GPRIN3: variants seen among roughly 807,000 people sequenced by gnomAD.
The protein encoded by GPRIN3 is GPRIN family member 3, also known as G protein-regulated inducer of neurite outgrowth 3.
A neutral mutation model predicts 13.7 loss-of-function variants in GPRIN3; 12 were observed. That is an observed-to-expected ratio of 0.87 (90% confidence interval 0.56 to 1.42). The LOEUF is 1.42. GPRIN3 is among the 40% of genes most tolerant of loss of function. The pLI, the probability that GPRIN3 is intolerant of heterozygous loss-of-function variation, is 0.00. For synonymous variants in GPRIN3, 377 were observed against 372.7 expected (o/e 1.01, Z -0.13); for missense variants, 1,009 against 958.7 (o/e 1.05, Z -0.69).
At chr4:89,290,077 C>G (rs962020990) in intron 1 of GPRIN3, among the ~76,000 whole-genome samples, 3 of 151,312 alleles carry the variant, frequency 2.0e-5, no homozygotes, top group Non-Finnish European at 4.4e-5. Flanking sequence ...ACATTAGACT[C>G]CAGCCTGGGC....
chr4:89,258,803 GTTTC>G (rs1723551259), intron 1 of GPRIN3, among the ~76,000 whole-genome samples: 1 of 152,180 alleles, frequency 6.6e-6, no homozygotes, highest in Non-Finnish European at 1.5e-5. Flanking sequence ...CGTCGGGGTA[GTTTC>G]TGAGCCCTGT....
Position 89,281,064 on chromosome 4 carries a change from G to T in GPRIN3, c.-124+26551C>A, listed in dbSNP as rs182627731. On this transcript the variant is annotated intron_variant, in intron 1 of 1. Transcript: ENST00000609438. Reference sequence around the variant, plus strand: ...AGTCATGTTGGAAGGTGAAGGGGGGGGATAAGCACATCACATAGCCAGAGT... The same window carrying T: ...AGTCATGTTGGAAGGTGAAGGGGGGTGATAAGCACATCACATAGCCAGAGT... Among the ~76,000 whole-genome samples the T allele has an allele frequency of 7.3e-5, 11 of 150,270 alleles. No homozygotes were observed. The East Asian group carries it at 7.7e-4, about 11-fold the overall frequency.
intron 1 of GPRIN3, among the ~76,000 whole-genome samples, chr4:89,272,401 C>A (rs1723983118): frequency 6.6e-6 from 1 of 152,180 alleles, no homozygotes; most frequent in East Asian, 1.9e-4. Flanking sequence ...TAAGCAATTT[C>A]CTTTTGAAGA....
chr4:89,249,653 T>C lies in GPRIN3; in HGVS notation c.458A>G (p.Asp153Gly), dbSNP rs1723258136. Reference protein sequence around the residue: ...PNAITSSMPEDSLMRSQRTSN... With the variant: ...PNAITSSMPEGSLMRSQRTSN... ...GGTTCTCTGTGATCTCATCAGGGAA[T>C]CTTCAGGCATGGATGAGGTGATGGC... is the stretch of plus-strand genomic sequence containing the variant. Residue 153 changes from aspartate to glycine, a missense_variant, in exon 2 of 2, where the codon GAT becomes GGT. Transcript: ENST00000609438. The C allele has an allele frequency of 6.2e-7, 1 of 1,614,184 alleles. No homozygotes were observed. Among genetic ancestry groups the C allele is most frequent in the East Asian group, 2.2e-5 (1 of 44,874 alleles).
chr4:89,267,259 T>C (rs1212748815), intron 1 of GPRIN3, among the ~76,000 whole-genome samples: 3 of 152,226 alleles, frequency 2.0e-5, no homozygotes, highest in Admixed American at 1.3e-4. Flanking sequence ...AGAATATTCA[T>C]GGTGCAAAAT....
rs1724915791 is a variant in GPRIN3 at position 89,302,132 on chromosome 4, C to T, written c.-124+5483G>A. On this transcript the variant is annotated intron_variant, in intron 1 of 1. Transcript: ENST00000609438. The stretch of plus-strand genomic sequence containing the variant: ...TAGACCCTTGGGACAGAGATGAGAT[C>T]ATGGCATTGTCATTTAGACAGACTT... Among the ~76,000 whole-genome samples, 2 of 152,174 alleles carry T rather than the reference C, an allele frequency of 1.3e-5. 1 individual carries two copies. The highest frequency in any genetic ancestry group is 1.3e-4 in the Admixed American group (2 of 15,276).
At chr4:89,286,144 A>T (rs1379864692) in intron 1 of GPRIN3, among the ~76,000 whole-genome samples, 3 of 151,758 alleles carry the variant, frequency 2.0e-5, no homozygotes. Flanking sequence ...ATTTGTTAAT[A>T]AAAATTAAGA....
chr4:89,254,913 CTAT>C (rs1489239238), intron 1 of GPRIN3, among the ~76,000 whole-genome samples: 1 of 152,126 alleles, frequency 6.6e-6, no homozygotes, highest in Non-Finnish European at 1.5e-5. Flanking sequence ...TCCCTTGCCT[CTAT>C]TTATTGTTAA....
At chr4:89,258,099 G>GT (rs1723525704) in intron 1 of GPRIN3, among the ~76,000 whole-genome samples, 1 of 151,458 alleles carries the variant, frequency 6.6e-6, no homozygotes, top group African/African-American at 2.4e-5. Flanking sequence ...TAGGAAGGTA[G>GT]TAGGAAAAAG....
chr4:89,239,025 C>T lies in GPRIN3; in HGVS notation c.*8755G>A, dbSNP rs912928522. 1 of 152,108 alleles carries T rather than the reference C, an allele frequency of 6.6e-6. No individual in the cohort carries two copies. Among genetic ancestry groups the T allele is most frequent in the Non-Finnish European group, 1.5e-5 (1 of 68,006 alleles). 9.4% of individuals were successfully genotyped at this position (152,108 alleles called of 1,614,324 possible). ...TATACGTAATTCCAAAATCTTACTT[C>T]ATCTTTGTATAAATTATAACATTTC... On this transcript the variant is annotated 3_prime_UTR_variant, in exon 2 of 2. Transcript: ENST00000609438.
At chr4:89,259,864 G>T (rs1723578136) in intron 1 of GPRIN3, among the ~76,000 whole-genome samples, 1 of 152,186 alleles carries the variant, frequency 6.6e-6, no homozygotes, top group Non-Finnish European at 1.5e-5. Flanking sequence ...TCTGCTTTTA[G>T]CTCACATCAG....
intron 1 of GPRIN3, among the ~76,000 whole-genome samples, chr4:89,288,693 T>C (rs1578108758): frequency 6.6e-6 from 1 of 152,330 alleles, no homozygotes; most frequent in East Asian, 1.9e-4. Context: ...ATTTTACCCT[T>C]TAAAGGTCAG....
At chr4:89,282,240 T>C (rs1197729546) in intron 1 of GPRIN3, among the ~76,000 whole-genome samples, 1 of 152,370 alleles carries the variant, frequency 6.6e-6, no homozygotes, top group East Asian at 1.9e-4. Flanking sequence ...TCTCAAATCA[T>C]GAATTATTTG....
intron 1 of GPRIN3, among the ~76,000 whole-genome samples, chr4:89,270,577 A>ATATATAT (rs1243362000): frequency 5.0e-5 from 5 of 99,168 alleles, no homozygotes; most frequent in African/African-American, 3.0e-4. Context: ...ATATATATAT[A>ATATATAT]TATATATATA....
intron 1 of GPRIN3, among the ~76,000 whole-genome samples, chr4:89,265,738 C>T (rs919922818): frequency 6.6e-6 from 1 of 152,130 alleles, no homozygotes; most frequent in African/African-American, 2.4e-5. Flanking sequence ...TCCACCCTTC[C>T]TTCCTTCCTT....
chr4:89,242,556 GT>G lies in GPRIN3; in HGVS notation c.*5223del, dbSNP rs1289967256. ...ATCCTGACTAATGCTCATTAGTGCT[GT>G]ACCTCTTTATGAAGCTTCTAAACAA... is the stretch of plus-strand genomic sequence containing the variant. On this transcript the variant is annotated 3_prime_UTR_variant, in exon 2 of 2. Transcript: ENST00000609438. 1 of 152,134 alleles carries G rather than the reference GT, an allele frequency of 6.6e-6. No individual in the cohort carries two copies. Among genetic ancestry groups the G allele is most frequent in the Non-Finnish European group, 1.5e-5 (1 of 68,032 alleles). 9.4% of individuals were successfully genotyped at this position (152,134 alleles called of 1,614,324 possible). A position where few individuals can be genotyped will look rare whatever the true frequency, so the allele number is the denominator to read the frequency against.
At chr4:89,300,681 G>A (rs905533668) in intron 1 of GPRIN3, among the ~76,000 whole-genome samples, 5 of 152,074 alleles carry the variant, frequency 3.3e-5, no homozygotes, top group African/African-American at 1.2e-4. Flanking sequence ...TATGAAAGGA[G>A]ACTGTAAGTG....
intron 1 of GPRIN3, among the ~76,000 whole-genome samples, chr4:89,256,456 C>G (rs1415689985): frequency 6.6e-6 from 1 of 152,172 alleles, no homozygotes; most frequent in African/African-American, 2.4e-5. Context: ...GACACCTGCA[C>G]TTAATAAGAG....
Position 89,247,642 on chromosome 4 carries a change from ATT to A in GPRIN3, c.*136_*137del. The A allele has an allele frequency of 2.5e-6, 2 of 792,958 alleles. No individual in the cohort carries two copies. Among genetic ancestry groups the A allele is most frequent in the Non-Finnish European group, 3.9e-6 (2 of 518,360 alleles). The allele number at this position is 792,958 out of a possible 1,614,324, so 49.1% of individuals were successfully genotyped here. On this transcript the variant is annotated 3_prime_UTR_variant, in exon 2 of 2. Transcript: ENST00000609438. ...GAGCTCCAGGTCAAAGGATCTAACA[ATT>A]TTTAATAGCAATTTCCTATAGTGAA... is the stretch of plus-strand genomic sequence containing the variant.
Sources: allele counts gnomAD v4.1 joint callset (sites outside exome capture counted in the v4.1 genomes callset), GRCh38; gene constraint gnomAD v4.1.1; transcripts MANE v1.5; gene names NCBI Gene and HGNC (gene_info 2026-07-23, HGNC 2026-07-21).